RICTOR: variants seen among roughly 807,000 people sequenced by gnomAD.
RICTOR encodes the protein rapamycin-insensitive companion of mTOR.
In RICTOR, 49 loss-of-function variants were observed where a neutral mutation model predicts 214.9. That is an observed-to-expected ratio of 0.23 (90% confidence interval 0.18 to 0.29). The LOEUF is 0.29. Among genes scored for constraint, RICTOR ranks in the 10% least tolerant of loss-of-function variants. The probability of loss-of-function intolerance (pLI) is 1.00; values close to 1 mark genes in which losing one functional copy is unlikely to be tolerated. For missense variants in RICTOR, 1,625 were observed against 2,047.0 expected (o/e 0.79, Z 3.98); for synonymous variants, 717 against 711.3 (o/e 1.01, Z -0.13).
chr5:39,073,713 T>A (rs1197904568), intron 2 of RICTOR, among the ~76,000 whole-genome samples: 1 of 152,122 alleles, frequency 6.6e-6, no homozygotes, highest in Non-Finnish European at 1.5e-5. Flanking sequence ...CGCTCTTCCC[T>A]CAAACATCCT....
At position 39,022,852 on chromosome 5, in the gene RICTOR, T is replaced by A. The variant is rs191272998; in HGVS notation, c.98-1716A>T. On this transcript the variant is annotated intron_variant, in intron 2 of 37. Transcript: ENST00000357387. The stretch of plus-strand genomic sequence containing the variant: ...TATTGTCTAGCAATTTGGAGCTTCA[T>A]CTGGAAGGACCCAAATCCTCCTCAT... Among the ~76,000 whole-genome samples, 51 of 152,294 alleles carry A rather than the reference T, an allele frequency of 3.3e-4. 1 individual carries two copies. The highest frequency in any genetic ancestry group is 7.9e-4 in the African/African-American group (33 of 41,552).
At chr5:38,982,169 T>C (rs993039654) in intron 7 of RICTOR, 133 bp from the exon 8 acceptor site, 9 of 616,014 alleles carry the variant, frequency 1.5e-5, no homozygotes, top group South Asian at 8.5e-5. Context: ...AACAGGTAGA[T>C]AAAAGGACAA....
At chr5:38,949,646 C>T (rs1001805045) in intron 31 of RICTOR, 66 bp downstream of exon 31, 4 of 1,411,804 alleles carry the variant, frequency 2.8e-6, no homozygotes, top group Admixed American at 3.8e-5. Flanking sequence ...ACCTGGCTAA[C>T]ATTTTGTATT....
At chr5:39,044,575 A>T (rs898313726) in intron 2 of RICTOR, among the ~76,000 whole-genome samples, 1 of 152,212 alleles carries the variant, frequency 6.6e-6, no homozygotes, top group Non-Finnish European at 1.5e-5. Flanking sequence ...GAGCAACAAG[A>T]TATGAAATAA....
intron 2 of RICTOR, among the ~76,000 whole-genome samples, chr5:39,048,508 G>A (rs1757643431): frequency 6.6e-6 from 1 of 152,080 alleles, no homozygotes; most frequent in African/African-American, 2.4e-5. Context: ...AAAACCCTGG[G>A]CACTGAGTCT....
Position 38,953,043 on chromosome 5 carries a change from T to C in RICTOR, c.2839A>G (p.Asn947Asp), listed in dbSNP as rs1419990817. 6.2e-6 allele frequency: 10 copies of C among 1,610,246 alleles called. No individual in the cohort carries two copies. Among genetic ancestry groups the C allele is most frequent in the African/African-American group, 1.3e-5 (1 of 74,726 alleles). ...NWGLNLLQEE[N>D]VIPDILKLAK... Reference sequence around the variant, plus strand: ...AGTTTTAGTATATCTGGAATCACGTTTTCTTCCTGTAGCAAATTGAGACCC... The same window carrying C: ...AGTTTTAGTATATCTGGAATCACGTCTTCTTCCTGTAGCAAATTGAGACCC... The change falls in exon 29 of 38, where the codon AAC becomes GAC. Residue 947 changes from asparagine to aspartate, a missense_variant. By Grantham distance (23) the Asn-to-Asp change is conservative (BLOSUM62 1). Coordinates refer to ENST00000357387, the MANE Select transcript of RICTOR (RefSeq NM_152756.5).
In RICTOR at chr5:38,952,302, A is replaced by G. The variant is rs554248795; in HGVS notation, c.3021T>C (p.Asp1007=). The G allele has an allele frequency of 6.2e-7, 1 of 1,613,012 alleles. No homozygotes were observed. The highest frequency in any genetic ancestry group is 1.1e-5 in the South Asian group (1 of 91,066). The stretch of plus-strand genomic sequence containing the variant: ...AAAGTTCATTACAGAGTTGTTCCAC[A>G]TCATCTGGAACCACTGGCCACAGAT... ...RKHLWPVVPD[D]VEQLCNELSS... Residue 1007 remains aspartate, a synonymous_variant, in exon 30 of 38, where the codon GAT becomes GAC. Coordinates refer to ENST00000357387, the MANE Select transcript of RICTOR (RefSeq NM_152756.5).
chr5:38,968,788 A>C (rs917288193), intron 11 of RICTOR, among the ~76,000 whole-genome samples: 1 of 151,198 alleles, frequency 6.6e-6, no homozygotes, highest in African/African-American at 2.4e-5. Flanking sequence ...TAGGTATTCC[A>C]TAACAAGACA....
In RICTOR at chr5:38,974,452, G is replaced by A. The variant is rs571225943; in HGVS notation, c.889+1085C>T. Among the ~76,000 whole-genome samples, 41 of 152,268 alleles carry A rather than the reference G, an allele frequency of 2.7e-4. No homozygotes were observed. In the Middle Eastern group the frequency reaches 0.01, roughly 38 times the overall value. On this transcript the variant is annotated intron_variant, in intron 10 of 37. Coordinates refer to ENST00000357387, the MANE Select transcript of RICTOR (RefSeq NM_152756.5). The stretch of plus-strand genomic sequence containing the variant: ...AGAAACAGACATCATTACAGGAAGC[G>A]TAGAGTCTGGACGTAGGAAGAATAA...
At chr5:38,957,569 T>C in intron 25 of RICTOR, 83 bp downstream of exon 25, 2 of 788,076 alleles carry the variant, frequency 2.5e-6, no homozygotes, top group Admixed American at 4.7e-5. Flanking sequence ...AACACTGATA[T>C]AAAAAAACCA....
In RICTOR at chr5:38,959,235, G is replaced by C. The variant is rs61753520; in HGVS notation, c.2138C>G (p.Ala713Gly). ...TAAAATTTTGGAAAGGATGACTCTA[G>C]CCAATCCATCTCTGCTATAGTCCAA... The part of the protein sequence containing the change: ...SSLDYSRDGL[A>G]RVILSKILTA... Residue 713 changes from alanine (A) to glycine (G), a missense_variant, in exon 22 of 38, where the codon GCT becomes GGT. Physicochemically the swap from Ala to Gly is moderately conservative, Grantham distance 60 (BLOSUM62 0). Transcript: ENST00000357387. 2.2e-3 allele frequency: 3,501 copies of C among 1,603,482 alleles called. 4 individuals carry two copies. The highest frequency in any genetic ancestry group is 2.7e-3 in the Non-Finnish European group (3,219 of 1,174,348).
chr5:38,985,236 A>G (rs893807916), intron 7 of RICTOR, among the ~76,000 whole-genome samples: 5 of 152,178 alleles, frequency 3.3e-5, no homozygotes, highest in Non-Finnish European at 5.9e-5. Context: ...TTTATATAAA[A>G]TGGCATAGTA....
At chr5:38,990,407 A>G (rs1284615207) in intron 7 of RICTOR, among the ~76,000 whole-genome samples, 1 of 151,906 alleles carries the variant, frequency 6.6e-6, no homozygotes, top group African/African-American at 2.4e-5. Flanking sequence ...TGCGTACAGC[A>G]AACCACCATG....
chr5:39,020,441 T>C (rs1755327569), intron 3 of RICTOR, among the ~76,000 whole-genome samples: 1 of 152,306 alleles, frequency 6.6e-6, no homozygotes, highest in Admixed American at 6.5e-5. Context: ...CCACTGACAT[T>C]GAGGCAAGTT....
chr5:38,957,821 G>A, intron 24 of RICTOR, 91 bp from the exon 25 acceptor site: 1 of 665,934 alleles, frequency 1.5e-6, no homozygotes, highest in Non-Finnish European at 2.6e-6. Context: ...AAAAGTATAA[G>A]GAGCTAAAAG....
rs553212072 is a variant in RICTOR, at chr5:39,029,006, G to GT, written c.98-7871dup. Among the ~76,000 whole-genome samples the GT allele has an allele frequency of 1.9e-3, 296 of 152,220 alleles. 1 individual carries two copies. The highest frequency in any genetic ancestry group is 0.01 in the Middle Eastern group (3 of 294). On this transcript the variant is annotated intron_variant, in intron 2 of 37. Transcript: ENST00000357387. ...GAAGCCAGACACAAGAGTATATATT[G>GT]TATCATTCTATTTGTATGCAATGCA...
Position 38,959,883 on chromosome 5 carries a change from A to G in RICTOR, c.1947T>C (p.Asn649=). The change falls in exon 21 of 38, where the codon AAT becomes AAC. Residue 649 remains asparagine (N), a synonymous_variant. Transcript: ENST00000357387. ...GTTGACTAAGGGTGGTCAATAAACC[A>G]TTATTTTGAAGACTTCTTTCGGGTT... ...GMKPERSLQN[N]GLLTTLSQHY... is the part of the protein sequence containing the mutation. 1 of 1,612,638 alleles carries G rather than the reference A, an allele frequency of 6.2e-7. No homozygotes were observed. The highest frequency in any genetic ancestry group is 1.3e-5 in the African/African-American group (1 of 74,984).
At chr5:38,942,673 C>G (rs1374721837) in intron 37 of RICTOR, among the ~76,000 whole-genome samples, 160 bp downstream of exon 37, 1 of 151,390 alleles carries the variant, frequency 6.6e-6, no homozygotes, top group African/African-American at 2.4e-5. Flanking sequence ...CCAGGCTGGT[C>G]TTGAATTCCT....
At chr5:39,042,139 T>A (rs892165751) in intron 2 of RICTOR, among the ~76,000 whole-genome samples, 5 of 152,122 alleles carry the variant, frequency 3.3e-5, no homozygotes, top group African/African-American at 1.2e-4. Flanking sequence ...GTGATTCTTA[T>A]GCACACTGAA....
Sources: allele counts gnomAD v4.1 joint callset (sites outside exome capture counted in the v4.1 genomes callset), GRCh38; gene constraint gnomAD v4.1.1; transcripts MANE v1.5; gene names NCBI Gene and HGNC (gene_info 2026-07-23, HGNC 2026-07-21).